Variants in CCSER1 observed in about 807,000 individuals in gnomAD.
CCSER1 encodes coiled-coil serine rich protein 1.
CCSER1 carries 41 observed loss-of-function variants against 82.0 expected under a neutral mutation model. The observed-to-expected ratio is 0.50, with a 90% CI of 0.39 to 0.65. The LOEUF (loss-of-function observed/expected upper bound fraction) is 0.65, where lower values mean the gene tolerates loss of function less well. CCSER1 is among the 30% of genes least tolerant of loss of function. The pLI, the probability that CCSER1 is intolerant of heterozygous loss-of-function variation, is 0.00. For missense variants in CCSER1, 1,119 were observed against 1,064.2 expected (o/e 1.05, Z -0.72); for synonymous variants, 414 against 383.9 (o/e 1.08, Z -0.92).
intron 8 of CCSER1, among the ~76,000 whole-genome samples, chr4:90,830,172 C>T (rs918666837): frequency 6.6e-6 from 1 of 152,170 alleles, no homozygotes; most frequent in Non-Finnish European, 1.5e-5. Flanking sequence ...TCATGCTTAA[C>T]TACAGCATAA....
At chr4:91,162,891 T>G (rs984318441) in intron 10 of CCSER1, among the ~76,000 whole-genome samples, 2 of 152,202 alleles carry the variant, frequency 1.3e-5, no homozygotes, top group Admixed American at 1.3e-4. Context: ...GCTCCTGGAT[T>G]CATTGATTTT....
chr4:91,584,309 A>G (rs1373081818), intron 10 of CCSER1, among the ~76,000 whole-genome samples: 1 of 151,460 alleles, frequency 6.6e-6, no homozygotes, highest in Non-Finnish European at 1.5e-5. Context: ...GGCTCTTTGG[A>G]CTAGATGTAT....
At chr4:91,297,231 A>T (rs1313296705) in intron 10 of CCSER1, among the ~76,000 whole-genome samples, 1 of 151,644 alleles carries the variant, frequency 6.6e-6, no homozygotes, top group Non-Finnish European at 1.5e-5. Context: ...AACTTATGTT[A>T]TGTTTGTAAA....
chr4:90,885,488 A>C (rs1416312309), intron 8 of CCSER1, among the ~76,000 whole-genome samples: 1 of 152,164 alleles, frequency 6.6e-6, no homozygotes, highest in Non-Finnish European at 1.5e-5. Context: ...ATTCTTTTAA[A>C]ATTTTGGGCA....
chr4:91,217,626 C>T (rs567265309), intron 10 of CCSER1, among the ~76,000 whole-genome samples: 3 of 150,082 alleles, frequency 2.0e-5, no homozygotes, highest in South Asian at 2.1e-4. Context: ...TACAGAGTGT[C>T]GATTGGTGCA....
At chr4:90,428,420 A>G (rs1413773605) in intron 4 of CCSER1, among the ~76,000 whole-genome samples, 2 of 151,880 alleles carry the variant, frequency 1.3e-5, no homozygotes, top group African/African-American at 4.8e-5. Context: ...CCCAAAACTT[A>G]ACTCTTAATA....
rs1581650437 is a variant in CCSER1 at position 91,149,576 on chromosome 4, T to G, written c.2217+63582T>G. 9.2e-5 allele frequency among the ~76,000 whole-genome samples: 14 copies of G among 152,358 alleles called. No homozygotes were observed. The South Asian group carries it at 2.9e-3, about 32-fold the overall frequency. On this transcript the variant is annotated intron_variant, in intron 10 of 10. Coordinates refer to ENST00000509176, the MANE Select transcript of CCSER1 (RefSeq NM_001145065.2). ...CCCATGCCTATGTCCTGAATGGTAT[T>G]GCCTAGGTTTTCTGCTAGAGTTTTT...
chr4:90,817,172 G>A (rs59332205), intron 8 of CCSER1, among the ~76,000 whole-genome samples: 8,855 of 151,420 alleles, frequency 0.058, 586 homozygotes, highest in African/African-American at 0.17. Flanking sequence ...GCTTTTTTAC[G>A]TTGCATACAA....
At chr4:91,053,332 C>A (rs567940580) in intron 9 of CCSER1, among the ~76,000 whole-genome samples, 11 of 152,298 alleles carry the variant, frequency 7.2e-5, no homozygotes, top group Non-Finnish European at 1.3e-4. Flanking sequence ...ACTTCTCGAA[C>A]CTTGCCCTCC....
At chr4:90,957,250 C>CCCG (rs1163946076) in intron 9 of CCSER1, among the ~76,000 whole-genome samples, 1 of 146,962 alleles carries the variant, frequency 6.8e-6, no homozygotes, top group African/African-American at 2.5e-5. Context: ...TACAGGCCCC[C>CCCG]CCCACCACGT....
intron 10 of CCSER1, among the ~76,000 whole-genome samples, chr4:91,337,828 A>T (rs1382016632): frequency 2.0e-5 from 3 of 152,144 alleles, no homozygotes; most frequent in African/African-American, 7.2e-5. Flanking sequence ...AAAGAATTTG[A>T]ATTAGTCATA....
chr4:91,360,450 T>C (rs550338414), intron 10 of CCSER1, among the ~76,000 whole-genome samples: 1 of 152,008 alleles, frequency 6.6e-6, no homozygotes, highest in African/African-American at 2.4e-5. Flanking sequence ...TCCATACAAC[T>C]GTACAAGAAA....
chr4:91,543,563 C>T (rs9998223), intron 10 of CCSER1, among the ~76,000 whole-genome samples: 6,478 of 152,150 alleles, frequency 0.043, 290 homozygotes, highest in African/African-American at 0.11. Context: ...CCTTATGAAG[C>T]TTAATTTGGC....
intron 8 of CCSER1, chr4:90,918,080 C>G (rs2150228226): frequency 5.8e-6 from 1 of 173,640 alleles, no homozygotes; most frequent in South Asian, 1.2e-4. Context: ...GGATAGCAAC[C>G]AAATGTTTTC....
chr4:91,097,421 A>G (rs570688169), intron 10 of CCSER1, among the ~76,000 whole-genome samples: 2 of 152,284 alleles, frequency 1.3e-5, no homozygotes, highest in African/African-American at 4.8e-5. Context: ...ACTTTTATAT[A>G]ATTTGCATGA....
chr4:90,634,401 A>G lies in CCSER1; in HGVS notation c.1932+6169A>G, dbSNP rs188907242. Reference sequence around the variant, plus strand: ...AATTTCATTTTACCTAAAAGGAATAATAATTTAAGACTTTCAAGGATAATA... The same window carrying G: ...AATTTCATTTTACCTAAAAGGAATAGTAATTTAAGACTTTCAAGGATAATA... On this transcript the variant is annotated intron_variant, in intron 6 of 10. Coordinates refer to ENST00000509176, the MANE Select transcript of CCSER1 (RefSeq NM_001145065.2). Among the ~76,000 whole-genome samples the G allele has an allele frequency of 2.0e-3, 304 of 151,946 alleles. 2 individuals are homozygous for G. Among genetic ancestry groups the G allele is most frequent in the African/African-American group, 6.8e-3 (284 of 41,546 alleles).
intron 9 of CCSER1, among the ~76,000 whole-genome samples, chr4:91,084,095 T>C (rs1456763887): frequency 1.3e-5 from 2 of 152,080 alleles, no homozygotes; most frequent in African/African-American, 4.8e-5. Context: ...CACACCCAGC[T>C]AATTTTTTTG....
intron 10 of CCSER1, among the ~76,000 whole-genome samples, chr4:91,478,912 T>C (rs1382702746): frequency 1.3e-5 from 2 of 151,868 alleles, no homozygotes; most frequent in Admixed American, 6.6e-5. Flanking sequence ...AAAATAATGT[T>C]ATATAAACTG....
intron 6 of CCSER1, among the ~76,000 whole-genome samples, chr4:90,702,572 C>G (rs1738387044): frequency 1.3e-5 from 2 of 152,066 alleles, no homozygotes; most frequent in Middle Eastern, 3.2e-3. Context: ...TGTACCACTG[C>G]TAGAATTCGG....
Sources: allele counts gnomAD v4.1 joint callset (sites outside exome capture counted in the v4.1 genomes callset), GRCh38; gene constraint gnomAD v4.1.1; transcripts MANE v1.5; gene names NCBI Gene and HGNC (gene_info 2026-07-23, HGNC 2026-07-21).